WDR76: variants seen among roughly 807,000 people sequenced by gnomAD.
WDR76 encodes the protein WD repeat-containing protein 76.
WDR76 carries 52 observed loss-of-function variants against 70.2 expected under a neutral mutation model. The observed-to-expected ratio is 0.74, with a 90% CI of 0.59 to 0.93. The LOEUF is 0.93. Among genes scored for constraint, WDR76 ranks in the 40% least tolerant of loss-of-function variants. The pLI is 0.00. For synonymous variants in WDR76, 292 were observed against 271.1 expected, an observed-to-expected ratio of 1.08 and a Z score of -0.76; for missense variants, 756 against 760.2, an observed-to-expected ratio of 0.99 and a Z score of 0.07.
chr15:43,841,855 GT>G (rs1275589469), intron 5 of WDR76, among the ~76,000 whole-genome samples: 3 of 151,774 alleles, frequency 2.0e-5, no homozygotes, highest in Non-Finnish European at 4.4e-5. Flanking sequence ...AGTTTCTGGG[GT>G]TTTTTTGTTT....
intron 11 of WDR76, among the ~76,000 whole-genome samples, chr15:43,859,206 C>T (rs1325383502): frequency 6.6e-6 from 1 of 150,724 alleles, no homozygotes; most frequent in Non-Finnish European, 1.5e-5. Context: ...AGCCCCAGAC[C>T]ATGGGCAGAC....
rs193249180 is a variant in WDR76, at chr15:43,848,429, A to G, written c.1033-2658A>G. The stretch of plus-strand genomic sequence containing the variant: ...ATTGACCAAATCCTGAGAATTTTCT[A>G]TATTATCAAAAGTAGAGAGAAGCAC... On this transcript the variant is annotated intron_variant, in intron 8 of 12. Transcript: ENST00000263795. Among the ~76,000 whole-genome samples, 16 of 152,332 alleles carry G rather than the reference A, an allele frequency of 1.1e-4. 1 individual carries two copies. Among genetic ancestry groups the G allele is most frequent in the African/African-American group, 2.4e-4 (10 of 41,578 alleles).
At chr15:43,856,748 G>T (rs1174109833) in intron 9 of WDR76, among the ~76,000 whole-genome samples, 198 bp from the exon 10 acceptor site, 1 of 151,996 alleles carries the variant, frequency 6.6e-6, no homozygotes, top group Non-Finnish European at 1.5e-5. Flanking sequence ...ACATAGAAAT[G>T]ATAAATATTG....
intron 2 of WDR76, 122 bp from the exon 3 acceptor site, chr15:43,834,939 T>C (rs1035753413): frequency 1.2e-6 from 1 of 811,010 alleles, no homozygotes; most frequent in Non-Finnish European, 1.9e-6. Context: ...GATGATGAAA[T>C]GAATAGAGAT....
intron 2 of WDR76, among the ~76,000 whole-genome samples, chr15:43,831,006 C>A (rs145919735): frequency 1.9e-3 from 289 of 152,090 alleles, no homozygotes; most frequent in African/African-American, 6.7e-3. Flanking sequence ...CGAGATCATA[C>A]CACTGCACAC....
chr15:43,855,863 C>T (rs757970148), intron 9 of WDR76, among the ~76,000 whole-genome samples: 117 of 147,152 alleles, frequency 8.0e-4, no homozygotes, highest in Non-Finnish European at 1.3e-3. Context: ...AAAAAAAAAA[C>T]ACGCTCATGA....
chr15:43,858,800 C>T lies in WDR76; in HGVS notation c.1539C>T (p.Thr513=). The T allele has an allele frequency of 1.9e-6, 3 of 1,613,968 alleles. No homozygotes were observed. Among genetic ancestry groups the T allele is most frequent in the Non-Finnish European group, 2.5e-6 (3 of 1,179,980 alleles). ...CTCTTACTGGTAACAGAGTGGTGAC[C>T]ACATGTGCTGATTGTAATCTGAGGT... ...FSPLTGNRVV[T]TCADCNLRIF... is the part of the protein sequence containing the mutation. The change falls in exon 11 of 13, where the codon ACC becomes ACT. Residue 513 remains threonine, a synonymous_variant. Transcript: ENST00000263795.
intron 8 of WDR76, among the ~76,000 whole-genome samples, chr15:43,846,542 C>T (rs1296689831): frequency 7.0e-6 from 1 of 142,594 alleles, no homozygotes; most frequent in African/African-American, 2.5e-5. Flanking sequence ...CTTCAGCCTC[C>T]CAAAGTGCTG....
At chr15:43,832,376 G>A (rs1240637591) in intron 2 of WDR76, among the ~76,000 whole-genome samples, 2 of 151,542 alleles carry the variant, frequency 1.3e-5, no homozygotes, top group Non-Finnish European at 2.9e-5. Context: ...AGAGTGAGAC[G>A]CTATCACTTT....
intron 12 of WDR76, among the ~76,000 whole-genome samples, chr15:43,864,366 C>T (rs1321235024): frequency 6.6e-6 from 1 of 152,050 alleles, no homozygotes; most frequent in Non-Finnish European, 1.5e-5. Flanking sequence ...TTTACATTTC[C>T]ACCAACAATG....
At chr15:43,847,902 C>T (rs538606594) in intron 8 of WDR76, among the ~76,000 whole-genome samples, 28 of 152,160 alleles carry the variant, frequency 1.8e-4, no homozygotes, top group African/African-American at 6.5e-4. Flanking sequence ...TTATCATAGT[C>T]TGGTTTTAGA....
Position 43,848,119 on chromosome 15 carries a change from T to G in WDR76, c.1033-2968T>G, listed in dbSNP as rs191170912. On this transcript the variant is annotated intron_variant, in intron 8 of 12. Coordinates refer to ENST00000263795, the MANE Select transcript of WDR76 (RefSeq NM_024908.4). Reference sequence around the variant, plus strand: ...TGGATGTAGTGGTGTGTGCCATTAGTCCCAGCTACTCAGGAAGTTGAGCTG... The same window carrying G: ...TGGATGTAGTGGTGTGTGCCATTAGGCCCAGCTACTCAGGAAGTTGAGCTG... Among the ~76,000 whole-genome samples, 63 of 151,728 alleles carry G rather than the reference T, an allele frequency of 4.2e-4. No individual in the cohort carries two copies. The East Asian group carries it at 0.011, about 28-fold the overall frequency.
chr15:43,828,249 T>C lies in WDR76; in HGVS notation c.345T>C (p.Ala115=). The change falls in exon 2 of 13, where the codon GCT becomes GCC. Residue 115 remains alanine, a synonymous_variant. Coordinates refer to ENST00000263795, the MANE Select transcript of WDR76 (RefSeq NM_024908.4). ...AESTLQNSSS[A]VHTESNKLQP... is the part of the protein sequence containing the mutation. ...CCACGCTGCAAAATTCATCCTCAGC[T>C]GTTCATACTGAAAGTAACAAGCTAC... 7 of 1,614,202 alleles carry C rather than the reference T, an allele frequency of 4.3e-6. No individual in the cohort carries two copies. The highest frequency in any genetic ancestry group is 5.1e-6 in the Non-Finnish European group (6 of 1,180,028).
intron 12 of WDR76, among the ~76,000 whole-genome samples, chr15:43,863,503 A>G (rs562462634): frequency 3.9e-4 from 60 of 151,902 alleles, no homozygotes; most frequent in Non-Finnish European, 7.4e-4. Flanking sequence ...TTTTTGACCA[A>G]CATCTCCCCA....
intron 8 of WDR76, among the ~76,000 whole-genome samples, chr15:43,846,571 A>G (rs1004909616): frequency 6.6e-6 from 1 of 150,962 alleles, no homozygotes; most frequent in African/African-American, 2.4e-5. Context: ...GGTGTGAGCC[A>G]CCACACCCAT....
At chr15:43,854,457 T>C in intron 9 of WDR76, among the ~76,000 whole-genome samples, 1 of 151,892 alleles carries the variant, frequency 6.6e-6, no homozygotes, top group East Asian at 1.9e-4. Context: ...TGGTCCCAGC[T>C]ACTTGGGAGG....
At chr15:43,828,593 C>T (rs1167118093) in intron 2 of WDR76, among the ~76,000 whole-genome samples, 2 of 152,118 alleles carry the variant, frequency 1.3e-5, no homozygotes, top group Non-Finnish European at 2.9e-5. Context: ...TTGACTTAAT[C>T]TTTACTCTGC....
At chr15:43,829,606 A>C (rs1258977818) in intron 2 of WDR76, among the ~76,000 whole-genome samples, 1 of 145,060 alleles carries the variant, frequency 6.9e-6, no homozygotes, top group East Asian at 2.0e-4. Flanking sequence ...TCCCGGGTTC[A>C]CACCATTCTC....
At position 43,836,176 on chromosome 15, in the gene WDR76, C is replaced by T. The variant is rs377752604; in HGVS notation, c.568C>T (p.Arg190Cys). Residue 190 changes from arginine to cysteine, a missense_variant, in exon 4 of 13, where the codon CGT (arginine) becomes TGT (cysteine). Coordinates refer to ENST00000263795, the MANE Select transcript of WDR76 (RefSeq NM_024908.4). ...TACTTTACAGTCTGCTGCAAGACTC[C>T]GTGAAATGATAGAGAAGAGACAGCC... ...LQLSESAARL[R>C]EMIEKRQPPK... 99 of 1,606,614 alleles carry T rather than the reference C, an allele frequency of 6.2e-5. 1 individual carries two copies. Among genetic ancestry groups the T allele is most frequent in the Admixed American group, 2.2e-4 (13 of 59,060 alleles).
Sources: gnomAD v4.1 joint callset for allele counts (sites outside exome capture counted in the v4.1 genomes callset) on GRCh38, gnomAD v4.1.1 for gene constraint, MANE v1.5 for transcripts, NCBI Gene and HGNC (gene_info 2026-07-23, HGNC 2026-07-21) for gene names.